Variants in SGMS1 observed in about 807,000 individuals in gnomAD.
The protein encoded by SGMS1 is phosphatidylcholine:ceramide cholinephosphotransferase 1.
In SGMS1, 13 loss-of-function variants were observed where a neutral mutation model predicts 46.2. That is an observed-to-expected ratio of 0.28 (90% CI 0.18 to 0.45). The LOEUF (loss-of-function observed/expected upper bound fraction) is 0.45. SGMS1 is among the 20% of genes least tolerant of loss of function. The pLI is 1.00. For synonymous variants in SGMS1, 203 were observed against 187.8 expected, an observed-to-expected ratio of 1.08 and a Z score of -0.66; for missense variants, 324 against 519.9, an observed-to-expected ratio of 0.62 and a Z score of 3.66.
chr10:50,535,330 C>T (rs1003975479), intron 2 of SGMS1, among the ~76,000 whole-genome samples: 6 of 152,072 alleles, frequency 3.9e-5, no homozygotes, highest in African/African-American at 1.4e-4. Context: ...AGAATTTATT[C>T]TGAGAAATGC....
intron 3 of SGMS1, among the ~76,000 whole-genome samples, chr10:50,509,191 C>T (rs537797264): frequency 5.9e-5 from 9 of 152,150 alleles, no homozygotes; most frequent in African/African-American, 2.2e-4. Flanking sequence ...TTCAACCCCA[C>T]GAATCACAGC....
At chr10:50,537,450 T>G (rs1202653943) in intron 2 of SGMS1, among the ~76,000 whole-genome samples, 2 of 138,532 alleles carry the variant, frequency 1.4e-5, no homozygotes, top group African/African-American at 2.5e-5. Flanking sequence ...TATATATATA[T>G]ATAGATATAT....
chr10:50,571,431 C>T (rs1838335390), intron 2 of SGMS1, among the ~76,000 whole-genome samples: 2 of 152,138 alleles, frequency 1.3e-5, no homozygotes, highest in Admixed American at 1.3e-4. Context: ...AAATTGGAAT[C>T]GGGATACAAT....
chr10:50,379,557 T>C (rs1848572680), intron 6 of SGMS1, among the ~76,000 whole-genome samples: 1 of 152,118 alleles, frequency 6.6e-6, no homozygotes, highest in Non-Finnish European at 1.5e-5. Flanking sequence ...GAATTTCAAT[T>C]GTTTATACAT....
chr10:50,479,571 AT>A (rs1003042979), intron 3 of SGMS1, among the ~76,000 whole-genome samples: 7 of 152,102 alleles, frequency 4.6e-5, no homozygotes, highest in Non-Finnish European at 1.0e-4. Context: ...ACCGCATTAT[AT>A]TTTTTTCTTA....
At chr10:50,362,446 G>C (rs770668505) in intron 6 of SGMS1, among the ~76,000 whole-genome samples, 21 of 152,052 alleles carry the variant, frequency 1.4e-4, no homozygotes, top group African/African-American at 2.4e-4. Flanking sequence ...AGAAAAACTG[G>C]ATCCATGAAA....
At chr10:50,493,362 C>A (rs1382249439) in intron 3 of SGMS1, among the ~76,000 whole-genome samples, 2 of 152,070 alleles carry the variant, frequency 1.3e-5, no homozygotes, top group Non-Finnish European at 2.9e-5. Flanking sequence ...ACTAGAAAAG[C>A]CCTGGAAGAC....
chr10:50,587,246 G>A (rs187808714), intron 2 of SGMS1, among the ~76,000 whole-genome samples: 5 of 152,104 alleles, frequency 3.3e-5, no homozygotes, highest in Admixed American at 2.6e-4. Context: ...TTGGAGATTT[G>A]CAACACTTTG....
At chr10:50,409,953 C>G (rs1589428445) in intron 6 of SGMS1, among the ~76,000 whole-genome samples, 2 of 152,150 alleles carry the variant, frequency 1.3e-5, no homozygotes, top group South Asian at 4.1e-4. Context: ...TAAAATCACA[C>G]TGAAAAATTC....
rs1485492802 is a variant in SGMS1 at position 50,311,305 on chromosome 10, G to A, written c.852C>T (p.Gly284=). ...AGGTAAGTGTTAGCATGACCGTGTGGCCGCTGTACAGATAGTCCCCACACA... is the reference window on the plus strand; with the variant it reads ...AGGTAAGTGTTAGCATGACCGTGTGACCGCTGTACAGATAGTCCCCACACA... ...HNMCGDYLYS[G]HTVMLTLTYL... The change falls in exon 9 of 11, where the codon GGC becomes GGT. Residue 284 remains glycine, a synonymous_variant. Transcript: ENST00000361781. 11 of 1,613,950 alleles carry A rather than the reference G, an allele frequency of 6.8e-6. No homozygotes were observed. The highest frequency in any genetic ancestry group is 9.3e-6 in the Non-Finnish European group (11 of 1,179,884).
intron 2 of SGMS1, among the ~76,000 whole-genome samples, chr10:50,541,899 G>A (rs2983359): frequency 0.17 from 26,423 of 152,140 alleles, 2,977 homozygotes; most frequent in Non-Finnish European, 0.26. Flanking sequence ...TAAAACCTCT[G>A]CCAGTTACTT....
At chr10:50,417,636 G>C (rs1399121141) in intron 6 of SGMS1, among the ~76,000 whole-genome samples, 1 of 152,150 alleles carries the variant, frequency 6.6e-6, no homozygotes, top group African/African-American at 2.4e-5. Context: ...CAAAGGAGTT[G>C]CCAAAAGGGC....
intron 1 of SGMS1, among the ~76,000 whole-genome samples, chr10:50,603,118 T>C (rs1169392484): frequency 6.6e-6 from 1 of 152,250 alleles, no homozygotes; most frequent in Non-Finnish European, 1.5e-5. Flanking sequence ...ACCTTTTGCC[T>C]CTGAAGAGGA....
intron 6 of SGMS1, among the ~76,000 whole-genome samples, chr10:50,354,995 G>T (rs1848114277): frequency 6.6e-6 from 1 of 152,186 alleles, no homozygotes; most frequent in Non-Finnish European, 1.5e-5. Flanking sequence ...CTGTTGGTGG[G>T]ACTGTAAACT....
chr10:50,502,319 A>AAC (rs911745846), intron 3 of SGMS1, among the ~76,000 whole-genome samples: 2 of 151,384 alleles, frequency 1.3e-5, no homozygotes, highest in African/African-American at 4.9e-5. Flanking sequence ...AAAAAAAAAA[A>AAC]AAAACCAGCA....
rs1186737587 is a variant in SGMS1, at chr10:50,506,457, A to T, written c.-498+13374T>A. Among the ~76,000 whole-genome samples, 4 of 152,026 alleles carry T rather than the reference A, an allele frequency of 2.6e-5. No homozygotes were observed. In the East Asian group the frequency reaches 7.7e-4, roughly 29 times the overall value. On this transcript the variant is annotated intron_variant, in intron 3 of 10. Coordinates refer to ENST00000361781, the MANE Select transcript of SGMS1 (RefSeq NM_147156.4). ...CCATGGCATCATCTATGCCACACAG[A>T]TTTCCTTCCTAATAAAAAAAAAAGT...
intron 7 of SGMS1, among the ~76,000 whole-genome samples, chr10:50,336,360 T>C (rs895970812): frequency 6.6e-6 from 1 of 152,178 alleles, no homozygotes; most frequent in Admixed American, 6.5e-5. Context: ...TAGTCAGTGG[T>C]CTTAAGTGCA....
At chr10:50,562,433 C>T (rs1838248382) in intron 2 of SGMS1, among the ~76,000 whole-genome samples, 1 of 151,842 alleles carries the variant, frequency 6.6e-6, no homozygotes, top group Middle Eastern at 3.2e-3. Context: ...CAATCACCTT[C>T]CCCCCACCAC....
intron 6 of SGMS1, among the ~76,000 whole-genome samples, chr10:50,402,576 T>C (rs1434736746): frequency 6.6e-6 from 1 of 152,216 alleles, no homozygotes; most frequent in African/African-American, 2.4e-5. Flanking sequence ...AATAAGTATA[T>C]AGATTATTTG....
Sources: allele counts gnomAD v4.1 joint callset (sites outside exome capture counted in the v4.1 genomes callset), GRCh38; gene constraint gnomAD v4.1.1; transcripts MANE v1.5; gene names NCBI Gene and HGNC (gene_info 2026-07-23, HGNC 2026-07-21).